Variants in BAZ2B observed in about 807,000 individuals in gnomAD.
BAZ2B encodes bromodomain adjacent to zinc finger domain protein 2B.
BAZ2B carries 91 observed loss-of-function variants against 246.0 expected under a neutral mutation model. The ratio of observed to expected loss-of-function variants is 0.37; its 90% CI spans 0.31 to 0.44. BAZ2B has a LOEUF of 0.44. Among genes scored for constraint, BAZ2B ranks in the 20% least tolerant of loss-of-function variants. The probability of loss-of-function intolerance (pLI) is 1.00; values close to 1 mark genes in which losing one functional copy is unlikely to be tolerated. For missense variants in BAZ2B, 2,332 were observed against 2,533.7 expected (o/e 0.92, Z 1.71); for synonymous variants, 855 against 860.0 (o/e 0.99, Z 0.10).
chr2:159,446,118 G>C lies in BAZ2B; in HGVS notation c.696+664C>G, dbSNP rs533629673. On this transcript the variant is annotated intron_variant, in intron 6 of 36. Coordinates refer to ENST00000392783, the MANE Select transcript of BAZ2B (RefSeq NM_013450.4). ...AACAGAGCCAGACTCTGTCAAAGGA[G>C]AAGAAGAAAGAAAAAAGAAGAAAGA... 3.3e-5 allele frequency among the ~76,000 whole-genome samples: 5 copies of C among 152,124 alleles called. No individual in the cohort carries two copies. The South Asian group carries it at 1.0e-3, about 32-fold the overall frequency.
chr2:159,529,588 CA>C (rs2085151808), intron 2 of BAZ2B, among the ~76,000 whole-genome samples: 1 of 152,196 alleles, frequency 6.6e-6, no homozygotes, highest in Non-Finnish European at 1.5e-5. Context: ...CAATCTGTAA[CA>C]AATACTAATT....
chr2:159,534,999 T>C lies in BAZ2B; in HGVS notation c.-3+20824A>G, dbSNP rs147120436. On this transcript the variant is annotated intron_variant, in intron 2 of 36. Transcript: ENST00000392783. ...GGAAAAGTTAACTTCTAGAAACTTGTCTTATTTCTTCCATTAAAATAAGTA... is the reference window on the plus strand; with the variant it reads ...GGAAAAGTTAACTTCTAGAAACTTGCCTTATTTCTTCCATTAAAATAAGTA... 1.2e-3 allele frequency among the ~76,000 whole-genome samples: 178 copies of C among 152,332 alleles called. 2 individuals carry two copies. In the East Asian group the frequency reaches 0.028, roughly 24 times the overall value.
the BAZ2B span, among the ~76,000 whole-genome samples, chr2:159,701,241 A>C: frequency 6.6e-6 from 1 of 152,172 alleles, no homozygotes; most frequent in African/African-American, 2.4e-5. Context: ...ATTTATTGTA[A>C]AATACAATTT....
chr2:159,340,489 C>T (rs890367331), intron 31 of BAZ2B, among the ~76,000 whole-genome samples: 1 of 152,066 alleles, frequency 6.6e-6, no homozygotes, highest in Non-Finnish European at 1.5e-5. Flanking sequence ...ATTATAGTCA[C>T]CCTGTAAGAA....
chr2:159,513,091 C>T (rs1012090745), intron 2 of BAZ2B, among the ~76,000 whole-genome samples: 1 of 152,118 alleles, frequency 6.6e-6, no homozygotes. Flanking sequence ...TACTCAGTTT[C>T]TCCAAATGTA....
intron 1 of BAZ2B, among the ~76,000 whole-genome samples, chr2:159,571,444 G>A (rs1683981607): frequency 6.6e-6 from 1 of 152,032 alleles, no homozygotes; most frequent in South Asian, 2.1e-4. Flanking sequence ...AAAAACCCTG[G>A]AATTTACTGT....
intron 18 of BAZ2B, chr2:159,398,042 T>G (rs1295435256): frequency 6.6e-6 from 1 of 152,164 alleles, no homozygotes; most frequent in African/African-American, 2.4e-5. Flanking sequence ...GAAATTAATA[T>G]TAACGGCAGA....
chr2:159,630,374 AT>A, the BAZ2B span, among the ~76,000 whole-genome samples: 1 of 152,218 alleles, frequency 6.6e-6, no homozygotes, highest in Non-Finnish European at 1.5e-5. Flanking sequence ...ACCCAAAAAA[AT>A]AAATGAACTT....
At chr2:159,523,476 C>T (rs889325394) in intron 2 of BAZ2B, among the ~76,000 whole-genome samples, 3 of 151,932 alleles carry the variant, frequency 2.0e-5, no homozygotes, top group East Asian at 1.9e-4. Flanking sequence ...GAGGTCGAGG[C>T]GGGCGGATCA....
At chr2:159,477,334 T>C (rs1225776106) in intron 3 of BAZ2B, among the ~76,000 whole-genome samples, 1 of 151,596 alleles carries the variant, frequency 6.6e-6, no homozygotes, top group Non-Finnish European at 1.5e-5. Context: ...AAAATATATA[T>C]ATATGTGTAT....
intron 3 of BAZ2B, among the ~76,000 whole-genome samples, chr2:159,457,579 A>G (rs1390176822): frequency 6.6e-6 from 1 of 152,202 alleles, no homozygotes; most frequent in Non-Finnish European, 1.5e-5. Flanking sequence ...ATTTGTTAAC[A>G]TTAACACTGG....
chr2:159,623,405 A>C, the BAZ2B span, among the ~76,000 whole-genome samples: 8 of 152,128 alleles, frequency 5.3e-5, no homozygotes, highest in South Asian at 1.0e-3. Flanking sequence ...CACACACACA[A>C]AAAGAAATGC....
the BAZ2B span, among the ~76,000 whole-genome samples, chr2:159,638,229 G>A: frequency 1.3e-5 from 2 of 152,244 alleles, no homozygotes; most frequent in Non-Finnish European, 2.9e-5. Context: ...ATTGGGCTTG[G>A]GGCCCAAGTC....
intron 11 of BAZ2B, among the ~76,000 whole-genome samples, chr2:159,428,964 T>C (rs2070540950): frequency 6.6e-6 from 1 of 152,126 alleles, no homozygotes; most frequent in South Asian, 2.1e-4. Context: ...TTCAGTCATG[T>C]TCCTACTTGG....
At chr2:159,629,252 G>T in the BAZ2B span, among the ~76,000 whole-genome samples, 1 of 152,116 alleles carries the variant, frequency 6.6e-6, no homozygotes, top group African/African-American at 2.4e-5. Context: ...CAACCATTGT[G>T]GAAGACAGTG....
At chr2:159,496,103 C>T (rs190817391) in intron 2 of BAZ2B, among the ~76,000 whole-genome samples, 25 of 146,848 alleles carry the variant, frequency 1.7e-4, no homozygotes, top group African/African-American at 5.4e-4. Context: ...AGGCTGAGCA[C>T]GGTGGCTCAC....
chr2:159,449,398 G>A (rs2074723595), intron 4 of BAZ2B, among the ~76,000 whole-genome samples: 2 of 151,058 alleles, frequency 1.3e-5, no homozygotes, highest in African/African-American at 2.5e-5. Flanking sequence ...AAGAACATTA[G>A]AGGAAAAAAA....
chr2:159,567,497 GT>G (rs1682918872), intron 1 of BAZ2B, among the ~76,000 whole-genome samples: 1 of 152,154 alleles, frequency 6.6e-6, no homozygotes, highest in Non-Finnish European at 1.5e-5. Context: ...TAAATTCAAT[GT>G]GTTTTGTAGG....
At chr2:159,400,920 T>C (rs2064938577) in intron 16 of BAZ2B, among the ~76,000 whole-genome samples, 2 of 152,150 alleles carry the variant, frequency 1.3e-5, no homozygotes, top group Admixed American at 6.5e-5. Flanking sequence ...GGCGGGCACC[T>C]GTAGTCCCAA....
Sources: allele counts gnomAD v4.1 joint callset (sites outside exome capture counted in the v4.1 genomes callset), GRCh38; gene constraint gnomAD v4.1.1; transcripts MANE v1.5; gene names NCBI Gene and HGNC (gene_info 2026-07-23, HGNC 2026-07-21).